The following FAM209A variants were observed in gnomAD, a reference collection of about 807,000 sequenced individuals.
FAM209A encodes the protein family with sequence similarity 209 member A.
Under a neutral mutation model 9.8 loss-of-function variants are expected in FAM209A, and 4 were observed. The ratio of observed to expected loss-of-function variants is 0.41; its 90% confidence interval spans 0.20 to 0.94. FAM209A has a LOEUF of 0.94. Ranked by LOEUF, FAM209A falls within the 40% of genes least tolerant of loss-of-function variation. The probability of loss-of-function intolerance (pLI) is 0.32; values close to 1 mark genes in which losing one functional copy is unlikely to be tolerated. For missense variants in FAM209A, 205 were observed against 209.4 expected, an observed-to-expected ratio of 0.98 and a Z score of 0.13; for synonymous variants, 55 against 77.8, an observed-to-expected ratio of 0.71 and a Z score of 1.54.
chr20:56,532,480 C>CTTTTTTTTT, the FAM209A span, among the ~76,000 whole-genome samples: 13 of 108,254 alleles, frequency 1.2e-4, no homozygotes, highest in East Asian at 6.9e-4. Context: ...TTTTCTTTTT[C>CTTTTTTTTT]TTTTTTTTTT....
chr20:56,525,656 C>G, intron 1 of FAM209A, 148 bp from the exon 2 acceptor site: 1 of 791,314 alleles, frequency 1.3e-6, no homozygotes, highest in South Asian at 1.8e-5. Flanking sequence ...AAACCCTTCC[C>G]GTAAAGGGCC....
intron 1 of FAM209A, 29 bp from the exon 2 acceptor site, chr20:56,525,775 T>G: frequency 1.9e-6 from 3 of 1,605,902 alleles, no homozygotes; most frequent in Non-Finnish European, 2.6e-6. Flanking sequence ...GTTCACAATA[T>G]TACTGACCTT....
chr20:56,532,206 C>A, the FAM209A span, among the ~76,000 whole-genome samples: 1 of 151,744 alleles, frequency 6.6e-6, no homozygotes, highest in Admixed American at 6.6e-5. Context: ...AACTTCTGAC[C>A]TTGGGTGATC....
At position 56,525,992 on chromosome 20, in the gene FAM209A, G is replaced by A. The variant is rs1042262807; in HGVS notation, c.438G>A (p.Arg146=). 1 of 1,614,078 alleles carries A rather than the reference G, an allele frequency of 6.2e-7. No homozygotes were observed. Among genetic ancestry groups the A allele is most frequent in the African/African-American group, 1.3e-5 (1 of 74,936 alleles). Residue 146 remains arginine, a synonymous_variant, in exon 2 of 2, where the codon AGG becomes AGA. Coordinates refer to ENST00000371328, the MANE Select transcript of FAM209A (RefSeq NM_001012971.4). ...AMATGSGSNL[R]LRKSEMPADP... ...CAACAGGTAGTGGCAGTAACCTCAG[G>A]CTTCGAAAGTCAGAGATGCCTGCAG...
rs1985446837 is a variant in FAM209A at position 56,524,789 on chromosome 20, C to T, written c.-20C>T. On this transcript the variant is annotated 5_prime_UTR_variant, in exon 1 of 2. Transcript: ENST00000371328. ...AAGCAAACCCGTCATGAGCAACTCC[C>T]TTCCCCATCTCTGCTCACCATGTGG... The T allele has an allele frequency of 6.2e-7, 1 of 1,613,154 alleles. No homozygotes were observed. The highest frequency in any genetic ancestry group is 1.7e-5 in the Admixed American group (1 of 60,010).
At chr20:56,533,270 G>A in the FAM209A span, 36 of 1,592,384 alleles carry the variant, frequency 2.3e-5, no homozygotes, top group Non-Finnish European at 3.1e-5. Flanking sequence ...CCTGGCACCA[G>A]GTGCCCAGTC....
chr20:56,525,717 A>G (rs558965333), intron 1 of FAM209A, 87 bp from the exon 2 acceptor site: 2 of 1,379,036 alleles, frequency 1.5e-6, no homozygotes, highest in South Asian at 2.7e-5. Context: ...TCTTCTTGCA[A>G]CTACTCAAGT....
In FAM209A at chr20:56,524,987, G is replaced by A. The variant is rs1985457873; in HGVS notation, c.179G>A (p.Trp60Ter). 1.2e-6 allele frequency: 2 copies of A among 1,614,206 alleles called. No individual in the cohort carries two copies. The highest frequency in any genetic ancestry group is 8.5e-7 in the Non-Finnish European group (1 of 1,180,046). ...EHTQGWLGSK[W>*]LWLLFVVVPF... ...ACCCAAGGCTGGCTTGGGAGCAAAT[G>A]GCTCTGGCTTCTTTTTGTTGTTGTG... is the stretch of plus-strand genomic sequence containing the variant. The change falls in exon 1 of 2, where the codon TGG becomes TAG. Residue 60 changes from tryptophan to a stop codon, truncating the protein, a stop_gained. Coordinates refer to ENST00000371328, the MANE Select transcript of FAM209A (RefSeq NM_001012971.4). LOFTEE classifies it high-confidence loss of function.
chr20:56,528,891 CCT>C (rs897278171), downstream of FAM209A, among the ~76,000 whole-genome samples: 2 of 152,110 alleles, frequency 1.3e-5, no homozygotes, highest in African/African-American at 4.8e-5. Context: ...GTGTATCATC[CCT>C]GTTTAATGAA....
intron 1 of FAM209A, among the ~76,000 whole-genome samples, chr20:56,525,364 A>G (rs897495916): frequency 2.6e-5 from 4 of 152,140 alleles, no homozygotes; most frequent in African/African-American, 9.7e-5. Flanking sequence ...GAAAGTCAAA[A>G]TTATTCACAG....
At chr20:56,528,427 CAAA>C (rs34236877), downstream of FAM209A, among the ~76,000 whole-genome samples, 235 of 81,836 alleles carry the variant, frequency 2.9e-3, no homozygotes, top group African/African-American at 0.011. Context: ...ACCCTCTCTA[CAAA>C]AAAAAAAAAA....
At chr20:56,533,168 C>G in the FAM209A span, 7 of 1,475,864 alleles carry the variant, frequency 4.7e-6, no homozygotes, top group Non-Finnish European at 5.4e-6. Flanking sequence ...GTCCTCCTCC[C>G]GGGCGACTCC....
At position 56,525,040 on chromosome 20, in the gene FAM209A, G is replaced by C; in HGVS notation, c.232G>C (p.Asp78His). ...VPFVILQCQR[D>H]SEKNKEQSPP... ...GTTTGTGATACTGCAGTGTCAAAGA[G>C]ACAGTGAGAAGAATAAGGTAAGGAT... is the stretch of plus-strand genomic sequence containing the variant. The change falls in exon 1 of 2, where the codon GAC (aspartate) becomes CAC (histidine). Residue 78 changes from aspartate (D) to histidine (H), a missense_variant. Physicochemically the swap from Asp to His is moderately conservative, Grantham distance 81. Coordinates refer to ENST00000371328, the MANE Select transcript of FAM209A (RefSeq NM_001012971.4). 6.2e-7 allele frequency: 1 copy of C among 1,614,160 alleles called. No individual in the cohort carries two copies. Among genetic ancestry groups the C allele is most frequent in the Non-Finnish European group, 8.5e-7 (1 of 1,180,018 alleles).
chr20:56,526,910 A>T (rs1985552568), downstream of FAM209A, among the ~76,000 whole-genome samples: 1 of 152,208 alleles, frequency 6.6e-6, no homozygotes, highest in African/African-American at 2.4e-5. Context: ...CTATTATTTT[A>T]AATTAACAAG....
the FAM209A span, among the ~76,000 whole-genome samples, chr20:56,532,186 G>A: frequency 6.6e-6 from 1 of 151,530 alleles, no homozygotes; most frequent in Non-Finnish European, 1.5e-5. Flanking sequence ...TGTTGGCCAG[G>A]CTGGTCTCAA....
the FAM209A span, among the ~76,000 whole-genome samples, chr20:56,532,480 C>CTTTTTTTT: frequency 5.8e-4 from 63 of 108,246 alleles, no homozygotes; most frequent in East Asian, 0.016. Flanking sequence ...TTTTCTTTTT[C>CTTTTTTTT]TTTTTTTTTT....
chr20:56,527,818 A>G (rs1032767527), downstream of FAM209A, among the ~76,000 whole-genome samples: 4 of 152,222 alleles, frequency 2.6e-5, no homozygotes, highest in Non-Finnish European at 5.9e-5. Context: ...CCCGGGAAGA[A>G]TATGGTGGCT....
At chr20:56,529,282 C>A (rs917845988), downstream of FAM209A, among the ~76,000 whole-genome samples, 13 of 152,082 alleles carry the variant, frequency 8.5e-5, no homozygotes, top group South Asian at 6.2e-4. Flanking sequence ...TTTGGGAGGC[C>A]AAGGTAGGCG....
chr20:56,529,247 T>G (rs774965388), downstream of FAM209A, among the ~76,000 whole-genome samples: 25 of 151,684 alleles, frequency 1.6e-4, no homozygotes, highest in Non-Finnish European at 2.8e-4. Flanking sequence ...CTGGGTGTGG[T>G]GGCTCACACC....
Sources: allele counts gnomAD v4.1 joint callset (sites outside exome capture counted in the v4.1 genomes callset), GRCh38; gene constraint gnomAD v4.1.1; transcripts MANE v1.5; gene names NCBI Gene and HGNC (gene_info 2026-07-23, HGNC 2026-07-21).